Variants in UNC93A observed in about 807,000 individuals in gnomAD.
UNC93A encodes the protein N-acetylglucosamine transporter UNC93A.
A neutral mutation model predicts 47.5 loss-of-function variants in UNC93A; 43 were observed. The ratio of observed to expected loss-of-function variants is 0.91; its 90% CI spans 0.71 to 1.17. The LOEUF (loss-of-function observed/expected upper bound fraction) is 1.17. UNC93A is among the 50% of genes most tolerant of loss of function. UNC93A has a pLI of 0.00. For missense variants in UNC93A, 605 were observed against 577.6 expected (o/e 1.05, Z -0.49); for synonymous variants, 280 against 258.0 (o/e 1.09, Z -0.82).
chr6:167,305,100 G>C (rs1778345747), intron 5 of UNC93A, among the ~76,000 whole-genome samples: 1 of 50,148 alleles, frequency 2.0e-5, no homozygotes, highest in South Asian at 9.9e-4. Flanking sequence ...AAACTTCTCT[G>C]CTCCAGATCC....
chr6:167,303,263 C>G (rs1432134826), intron 4 of UNC93A, among the ~76,000 whole-genome samples: 2 of 152,190 alleles, frequency 1.3e-5, no homozygotes, highest in Non-Finnish European at 2.9e-5. Flanking sequence ...ATCTTTATGT[C>G]CTTTCTTACT....
chr6:167,273,061 T>C (rs1356833199), intron 1 of UNC93A, among the ~76,000 whole-genome samples: 3 of 152,194 alleles, frequency 2.0e-5, no homozygotes, highest in Non-Finnish European at 4.4e-5. Context: ...TGTGGGCCCC[T>C]TTGTGACTGC....
intron 1 of UNC93A, among the ~76,000 whole-genome samples, chr6:167,271,636 C>A (rs190462843): frequency 1.2e-4 from 19 of 152,196 alleles, no homozygotes; most frequent in African/African-American, 3.4e-4. Context: ...GTTTCCTTTT[C>A]CTTCTACCCA....
intron 7 of UNC93A, among the ~76,000 whole-genome samples, chr6:167,313,605 C>T (rs184099470): frequency 6.6e-6 from 1 of 152,248 alleles, no homozygotes; most frequent in Non-Finnish European, 1.5e-5. Context: ...TGAATGACAG[C>T]AACCCATATT....
intron 4 of UNC93A, among the ~76,000 whole-genome samples, chr6:167,303,532 T>TAA (rs150640304): frequency 6.7e-6 from 1 of 149,696 alleles, no homozygotes; most frequent in African/African-American, 2.4e-5. Flanking sequence ...ATCATTATCC[T>TAA]AAAAAAAAAA....
At chr6:167,275,337 A>G (rs1273619879) in intron 1 of UNC93A, among the ~76,000 whole-genome samples, 1 of 152,232 alleles carries the variant, frequency 6.6e-6, no homozygotes, top group African/African-American at 2.4e-5. Context: ...GCGTTTGGCA[A>G]CGTGGCTTTC....
At position 167,315,837 on chromosome 6, in the gene UNC93A, C is replaced by T. The variant is rs968921975; in HGVS notation, c.*385C>T. 12 of 187,172 alleles carry T rather than the reference C, an allele frequency of 6.4e-5. No individual in the cohort carries two copies. Among genetic ancestry groups the T allele is most frequent in the South Asian group, 1.9e-4 (2 of 10,770 alleles). The allele number at this position is 187,172 out of a possible 1,614,324, so 11.6% of individuals were successfully genotyped here. On this transcript the variant is annotated 3_prime_UTR_variant, in exon 8 of 8. Transcript: ENST00000230256. ...TGAGCCCCATAATTTTACAAATGGG[C>T]GAACTTTTAAACTTCTAACTCTACT... is the stretch of plus-strand genomic sequence containing the variant.
In UNC93A at chr6:167,313,286, A is replaced by G. The variant is rs370718272; in HGVS notation, c.1109-1901A>G. On this transcript the variant is annotated intron_variant, in intron 7 of 7. Coordinates refer to ENST00000230256, the MANE Select transcript of UNC93A (RefSeq NM_018974.4). ...AACACAAGTATGTGAGCTAGAAGAC[A>G]GTCTAGCTCTTTCTCTCTTTGTTGT... 2.2e-4 allele frequency among the ~76,000 whole-genome samples: 33 copies of G among 152,338 alleles called. No individual in the cohort carries two copies. The East Asian group carries it at 5.0e-3, about 23-fold the overall frequency.
chr6:167,309,065 G>C (rs1373911039), intron 7 of UNC93A, among the ~76,000 whole-genome samples: 2 of 152,064 alleles, frequency 1.3e-5, no homozygotes, highest in African/African-American at 4.8e-5. Flanking sequence ...AGAGGCCTGA[G>C]GGCAAGAGAG....
chr6:167,274,758 A>T (rs556968503), intron 1 of UNC93A, among the ~76,000 whole-genome samples: 2 of 152,310 alleles, frequency 1.3e-5, no homozygotes, highest in Non-Finnish European at 2.9e-5. Flanking sequence ...CAAAACTACC[A>T]TGCAGAGCTT....
At chr6:167,285,379 G>A (rs1783708908) in intron 1 of UNC93A, among the ~76,000 whole-genome samples, 1 of 151,878 alleles carries the variant, frequency 6.6e-6, no homozygotes, top group South Asian at 2.1e-4. Flanking sequence ...ATCCCACTGT[G>A]TGCTTCTTTA....
chr6:167,277,344 C>A (rs76472788), intron 1 of UNC93A, among the ~76,000 whole-genome samples: 1,922 of 152,286 alleles, frequency 0.013, 46 homozygotes, highest in African/African-American at 0.044. Context: ...GCCGGTGGAG[C>A]CTTCCAGCTG....
intron 5 of UNC93A, among the ~76,000 whole-genome samples, chr6:167,305,093 C>G (rs1045141371): frequency 7.6e-6 from 1 of 130,846 alleles, no homozygotes; most frequent in Admixed American, 7.7e-5. Flanking sequence ...CCGGAGGAAA[C>G]TTCTCTGCTC....
intron 7 of UNC93A, among the ~76,000 whole-genome samples, chr6:167,310,738 A>C (rs767920705): frequency 6.6e-6 from 1 of 152,174 alleles, no homozygotes; most frequent in Non-Finnish European, 1.5e-5. Context: ...AAAATTAGCC[A>C]GGCGTGATGG....
chr6:167,271,757 C>T (rs1367332781), intron 1 of UNC93A, among the ~76,000 whole-genome samples: 2 of 152,128 alleles, frequency 1.3e-5, no homozygotes, highest in African/African-American at 2.4e-5. Context: ...CATGGGAGCA[C>T]TCAGCCATGA....
chr6:167,276,390 C>A (rs540224486), intron 1 of UNC93A, among the ~76,000 whole-genome samples: 2 of 152,086 alleles, frequency 1.3e-5, no homozygotes, highest in African/African-American at 4.8e-5. Context: ...TGGCTCATAT[C>A]GTGATTCTAT....
rs546941074 is a variant in UNC93A at position 167,275,754 on chromosome 6, C to T, written c.-52+4296C>T. Among the ~76,000 whole-genome samples the T allele has an allele frequency of 3.6e-4, 55 of 152,340 alleles. 1 individual carries two copies. The South Asian group carries it at 9.5e-3, about 26-fold the overall frequency. ...TCCACACCCTGCTTTCATCTGTGTC[C>T]AGCTCAGATGCAACCTTGTGCTCCT... On this transcript the variant is annotated intron_variant, in intron 1 of 3. Transcript: ENST00000503433.
chr6:167,297,492 G>A lies in UNC93A; in HGVS notation c.500-453G>A, dbSNP rs968184464. Among the ~76,000 whole-genome samples, 5 of 152,138 alleles carry A rather than the reference G, an allele frequency of 3.3e-5. No homozygotes were observed. The East Asian group carries it at 9.6e-4, about 29-fold the overall frequency. ...TTTTCTAAGAGATCACAGAACTAACGTTAGTTTTCAAAAACAGAAAAGTTA... is the reference window on the plus strand; with the variant it reads ...TTTTCTAAGAGATCACAGAACTAACATTAGTTTTCAAAAACAGAAAAGTTA... On this transcript the variant is annotated intron_variant, in intron 3 of 7. Coordinates refer to ENST00000230256, the MANE Select transcript of UNC93A (RefSeq NM_018974.4).
upstream of UNC93A, among the ~76,000 whole-genome samples, chr6:167,286,870 C>T (rs1415149899): frequency 2.0e-5 from 3 of 149,462 alleles, no homozygotes; most frequent in African/African-American, 7.4e-5. Flanking sequence ...CCCAGCTACT[C>T]GGGAGGCTGA....
Sources: gnomAD v4.1 joint callset for allele counts (sites outside exome capture counted in the v4.1 genomes callset) on GRCh38, gnomAD v4.1.1 for gene constraint, MANE v1.5 for transcripts, NCBI Gene and HGNC (gene_info 2026-07-23, HGNC 2026-07-21) for gene names.